Variants in TMPRSS11A observed in about 807,000 individuals in gnomAD.
TMPRSS11A encodes the protein transmembrane protease serine 11A.
In TMPRSS11A, 53 loss-of-function variants were observed where a neutral mutation model predicts 58.9. The ratio of observed to expected loss-of-function variants is 0.90; its 90% CI spans 0.72 to 1.13. TMPRSS11A has a LOEUF of 1.13. TMPRSS11A is among the 50% of genes most tolerant of loss of function. The pLI, the probability that TMPRSS11A is intolerant of heterozygous loss-of-function variation, is 0.00. For synonymous variants in TMPRSS11A, 167 were observed against 169.8 expected (o/e 0.98, Z 0.13); for missense variants, 493 against 499.3 (o/e 0.99, Z 0.12).
At chr4:67,957,424 G>T (rs1043649041) in intron 1 of TMPRSS11A, among the ~76,000 whole-genome samples, 3 of 152,180 alleles carry the variant, frequency 2.0e-5, no homozygotes, top group Non-Finnish European at 4.4e-5. Context: ...TAAGGAACTT[G>T]TTGGGAACCA....
At chr4:67,953,935 A>T (rs1408174882) in intron 1 of TMPRSS11A, among the ~76,000 whole-genome samples, 1 of 152,216 alleles carries the variant, frequency 6.6e-6, no homozygotes, top group Non-Finnish European at 1.5e-5. Flanking sequence ...AACATTTTCT[A>T]TTCCTTCTGC....
At chr4:67,927,260 C>T (rs552956963) in intron 5 of TMPRSS11A, among the ~76,000 whole-genome samples, 1 of 152,298 alleles carries the variant, frequency 6.6e-6, no homozygotes, top group East Asian at 1.9e-4. Flanking sequence ...AGCTGCAGCC[C>T]TTTAGGGATC....
intron 1 of TMPRSS11A, among the ~76,000 whole-genome samples, chr4:67,960,427 C>T (rs1167365053): frequency 6.6e-6 from 1 of 152,184 alleles, no homozygotes; most frequent in Non-Finnish European, 1.5e-5. Flanking sequence ...AGCTCCTTCA[C>T]TTACTAGCTT....
intron 3 of TMPRSS11A, among the ~76,000 whole-genome samples, chr4:67,933,514 G>T (rs1403287446): frequency 6.6e-6 from 1 of 152,190 alleles, no homozygotes; most frequent in Non-Finnish European, 1.5e-5. Flanking sequence ...TAGAGATATA[G>T]ATTTGGTAAT....
chr4:67,952,190 T>C (rs1272609486), intron 1 of TMPRSS11A, among the ~76,000 whole-genome samples: 3 of 152,254 alleles, frequency 2.0e-5, no homozygotes, highest in Non-Finnish European at 2.9e-5. Flanking sequence ...GTCATCATTT[T>C]ATAGGTGAAT....
At chr4:67,962,592 G>A (rs972765004) in intron 1 of TMPRSS11A, among the ~76,000 whole-genome samples, 2 of 152,140 alleles carry the variant, frequency 1.3e-5, no homozygotes, top group African/African-American at 4.8e-5. Context: ...CCACAAGGCT[G>A]TCTTGGCTAT....
rs761584266 is a variant in TMPRSS11A, at chr4:67,919,234, T to A, written c.693-2A>T. 1 of 1,613,152 alleles carries A rather than the reference T, an allele frequency of 6.2e-7. No homozygotes were observed. The highest frequency in any genetic ancestry group is 1.1e-5 in the South Asian group (1 of 91,054). ...GTCCATTGATGTGGATTTTTATACC[T>A]GGAAAAGGTTAGAAATTAACAGAAT... On this transcript the variant is annotated splice_acceptor_variant, in intron 7 of 9. Coordinates refer to ENST00000508048, the MANE Select transcript of TMPRSS11A (RefSeq NM_001114387.2). LOFTEE classifies it high-confidence loss of function.
At chr4:67,926,482 A>C (rs1178599072) in intron 5 of TMPRSS11A, among the ~76,000 whole-genome samples, 2 of 152,236 alleles carry the variant, frequency 1.3e-5, no homozygotes, top group African/African-American at 4.8e-5. Context: ...CAGTGGTAGC[A>C]GGAGCGGATG....
intron 8 of TMPRSS11A, among the ~76,000 whole-genome samples, chr4:67,916,415 G>A (rs1480702932): frequency 6.6e-6 from 1 of 151,844 alleles, no homozygotes; most frequent in Non-Finnish European, 1.5e-5. Flanking sequence ...TCAGAAATAT[G>A]CTAAGAGATT....
intron 4 of TMPRSS11A, among the ~76,000 whole-genome samples, chr4:67,930,606 A>G (rs2109748351): frequency 6.6e-6 from 1 of 152,186 alleles, no homozygotes; most frequent in African/African-American, 2.4e-5. Flanking sequence ...ATTTGAAGAC[A>G]ACAATATTGT....
intron 1 of TMPRSS11A, among the ~76,000 whole-genome samples, chr4:67,951,562 C>T (rs80209616): frequency 1.4e-5 from 2 of 147,498 alleles, no homozygotes; most frequent in East Asian, 4.1e-4. Flanking sequence ...TATCTCTAAG[C>T]TCCAAGTCTC....
At chr4:67,945,502 T>C (rs941567937) in intron 2 of TMPRSS11A, among the ~76,000 whole-genome samples, 1 of 152,166 alleles carries the variant, frequency 6.6e-6, no homozygotes, top group African/African-American at 2.4e-5. Context: ...ATATAATCCA[T>C]ACTGTTAACA....
At chr4:67,920,571 A>C (rs977442599) in intron 7 of TMPRSS11A, among the ~76,000 whole-genome samples, 9 of 144,678 alleles carry the variant, frequency 6.2e-5, no homozygotes, top group Admixed American at 4.1e-4. Flanking sequence ...ATATACACAC[A>C]CACATATATG....
At chr4:67,920,542 TATATA>T (rs1336353616) in intron 7 of TMPRSS11A, among the ~76,000 whole-genome samples, 2 of 83,674 alleles carry the variant, frequency 2.4e-5, no homozygotes, top group African/African-American at 1.0e-4. Flanking sequence ...TATATATATA[TATATA>T]TATTTTTTTT....
chr4:67,913,918 C>T (rs1241743658), intron 9 of TMPRSS11A, among the ~76,000 whole-genome samples: 1 of 152,176 alleles, frequency 6.6e-6, no homozygotes, highest in African/African-American at 2.4e-5. Flanking sequence ...CAGGAAGAAA[C>T]GTACCTTCGC....
intron 9 of TMPRSS11A, 77 bp downstream of exon 9, chr4:67,914,511 T>G: frequency 7.3e-7 from 1 of 1,360,874 alleles, no homozygotes; most frequent in Non-Finnish European, 1.0e-6. Context: ...TTTGTCCTTA[T>G]GTAAAGAACA....
chr4:67,924,288 A>T (rs1202027068), intron 5 of TMPRSS11A, 122 bp from the exon 6 acceptor site: 1 of 818,898 alleles, frequency 1.2e-6, no homozygotes, highest in Admixed American at 2.0e-5. Flanking sequence ...ATATAGATTA[A>T]TTAGGAGAAT....
chr4:67,930,829 T>TTCAA (rs1265700805), intron 4 of TMPRSS11A, among the ~76,000 whole-genome samples: 1 of 90,158 alleles, frequency 1.1e-5, no homozygotes, highest in African/African-American at 4.7e-5. Flanking sequence ...TTTTTTTTTT[T>TTCAA]ACAAAAAAAA....
intron 2 of TMPRSS11A, 37 bp from the exon 3 acceptor site, chr4:67,944,674 T>C (rs1449027763): frequency 1.3e-6 from 2 of 1,586,890 alleles, no homozygotes; most frequent in East Asian, 2.2e-5. Flanking sequence ...CTAAATGGTT[T>C]GGACAAAGAT....
Sources: gnomAD v4.1 joint callset for allele counts (sites outside exome capture counted in the v4.1 genomes callset) on GRCh38, gnomAD v4.1.1 for gene constraint, MANE v1.5 for transcripts, NCBI Gene and HGNC (gene_info 2026-07-23, HGNC 2026-07-21) for gene names.